The following SLC12A3 variants were observed in gnomAD, a reference collection of about 807,000 sequenced individuals.
The protein encoded by SLC12A3 is solute carrier family 12 member 3, also known as Na-Cl cotransporter.
Under a neutral mutation model 121.0 loss-of-function variants are expected in SLC12A3, and 104 were observed. The observed-to-expected ratio is 0.86, with a 90% CI of 0.73 to 1.01. SLC12A3 has a LOEUF of 1.01. Among genes scored for constraint, SLC12A3 ranks in the 50% least tolerant of loss-of-function variants. The pLI, the probability that SLC12A3 is intolerant of heterozygous loss-of-function variation, is 0.00. For missense variants in SLC12A3, 1,328 were observed against 1,356.3 expected (o/e 0.98, Z 0.33); for synonymous variants, 536 against 533.4 (o/e 1.00, Z -0.07).
intron 12 of SLC12A3, among the ~76,000 whole-genome samples, chr16:56,881,448 G>A (rs193256229): frequency 6.6e-6 from 1 of 152,018 alleles, no homozygotes; most frequent in Non-Finnish European, 1.5e-5. Context: ...TTCATCTGGG[G>A]GGGGGTCTGA....
chr16:56,868,273 C>G lies in SLC12A3; in HGVS notation c.430-24C>G, dbSNP rs749394453. ...GGCCTTGGGGTGTCCACCCAGGTGGCCTCTGACCCCCCTGTCCTCCCAGAT... is the reference window on the plus strand; with the variant it reads ...GGCCTTGGGGTGTCCACCCAGGTGGGCTCTGACCCCCCTGTCCTCCCAGAT... On this transcript the variant is annotated intron_variant, in intron 2 of 25. Coordinates refer to ENST00000563236, the MANE Select transcript of SLC12A3 (RefSeq NM_001126108.2). 19 of 1,611,788 alleles carry G rather than the reference C, an allele frequency of 1.2e-5. No homozygotes were observed. In the Middle Eastern group the frequency reaches 4.9e-4, roughly 42 times the overall value.
At position 56,894,728 on chromosome 16, in the gene SLC12A3, T is replaced by C. The variant is rs116985475; in HGVS notation, c.2633+86T>C. On this transcript the variant is annotated intron_variant, in intron 22 of 25. Coordinates refer to ENST00000563236, the MANE Select transcript of SLC12A3 (RefSeq NM_001126108.2). ...CAAGGCTGTCCCCTACCCTAGATCCTCTACCACCACCCCCAGGTGGGCACT... is the reference window on the plus strand; with the variant it reads ...CAAGGCTGTCCCCTACCCTAGATCCCCTACCACCACCCCCAGGTGGGCACT... The C allele has an allele frequency of 1.6e-4, 156 of 988,176 alleles. No individual in the cohort carries two copies. The East Asian group carries it at 3.2e-3, about 20-fold the overall frequency. 61.2% of individuals were successfully genotyped at this position (988,176 alleles called of 1,614,324 possible).
intron 25 of SLC12A3, among the ~76,000 whole-genome samples, chr16:56,908,402 C>G (rs1481084876): frequency 6.6e-6 from 1 of 152,006 alleles, no homozygotes. Flanking sequence ...ACCTCAGCCT[C>G]CCAAAGTGCT....
At position 56,871,642 on chromosome 16, in the gene SLC12A3, TC is replaced by T. The variant is rs573635495; in HGVS notation, c.853-708del. On this transcript the variant is annotated intron_variant, in intron 6 of 25. Transcript: ENST00000563236. Reference sequence around the variant, plus strand: ...CTTAAGGTGTCTGCTAAACACCTTCTCTCTGGTGACACCTTCCCAGGTCATC... The same window carrying T: ...CTTAAGGTGTCTGCTAAACACCTTCTTCTGGTGACACCTTCCCAGGTCATC... Among the ~76,000 whole-genome samples, 762 of 152,338 alleles carry T rather than the reference TC, an allele frequency of 5.0e-3. 5 individuals are homozygous for T. Among genetic ancestry groups the T allele is most frequent in the South Asian group, 7.3e-3 (35 of 4,826 alleles).
Position 56,899,720 on chromosome 16 carries a change from T to C in SLC12A3, c.2720+104T>C, listed in dbSNP as rs1169422844. 1.3e-5 allele frequency: 11 copies of C among 843,954 alleles called. No homozygotes were observed. In the Admixed American group the frequency reaches 1.4e-4, roughly 11 times the overall value. 52.3% of individuals were successfully genotyped at this position (843,954 alleles called of 1,614,324 possible). ...CCTTGGTAGACTAGGAGCAAGGGTC[T>C]CTCCTCCAAGCCCTTCCTAGATGTG... On this transcript the variant is annotated intron_variant, in intron 23 of 25. Transcript: ENST00000563236.
chr16:56,870,676 C>A lies in SLC12A3; in HGVS notation c.792C>A (p.Ala264=). ...VDPINDIRII[A]VVSVTVLLAI... Reference sequence around the variant, plus strand: ...CCATTAACGACATCCGCATCATTGCCGTGGTCTCGGTCACTGTGCTGCTGG... The same window carrying A: ...CCATTAACGACATCCGCATCATTGCAGTGGTCTCGGTCACTGTGCTGCTGG... Residue 264 remains alanine, a synonymous_variant, in exon 6 of 26, where the codon GCC becomes GCA. Transcript: ENST00000563236. 4.3e-6 allele frequency: 7 copies of A among 1,613,816 alleles called. No individual in the cohort carries two copies. Among genetic ancestry groups the A allele is most frequent in the Non-Finnish European group, 5.9e-6 (7 of 1,179,752 alleles).
intron 19 of SLC12A3, among the ~76,000 whole-genome samples, chr16:56,891,509 A>G (rs144292208): frequency 6.6e-6 from 1 of 152,168 alleles, no homozygotes; most frequent in African/African-American, 2.4e-5. Flanking sequence ...GGGTCCGTTC[A>G]TTTGTGCCAT....
Position 56,870,288 on chromosome 16 carries a change from C to T in SLC12A3, c.741+53C>T. ...AGAGGGATCCGGGCAGCCCATTGCACTCTCCTCCGCCCCATCTGGGCTGGG... is the reference window on the plus strand; with the variant it reads ...AGAGGGATCCGGGCAGCCCATTGCATTCTCCTCCGCCCCATCTGGGCTGGG... On this transcript the variant is annotated intron_variant, in intron 5 of 25. Coordinates refer to ENST00000563236, the MANE Select transcript of SLC12A3 (RefSeq NM_001126108.2). The T allele has an allele frequency of 3.2e-6, 5 of 1,581,196 alleles. No homozygotes were observed. The South Asian group carries it at 5.6e-5, about 18-fold the overall frequency.
At chr16:56,866,815 C>T (rs546229833) in intron 1 of SLC12A3, among the ~76,000 whole-genome samples, 1 of 152,292 alleles carries the variant, frequency 6.6e-6, no homozygotes, top group South Asian at 2.1e-4. Flanking sequence ...ACCTTGTTGC[C>T]CAGGCTGGTC....
chr16:56,887,798 A>ATATATATATATATATTTTTT (rs1433682477), intron 17 of SLC12A3, 127 bp from the exon 18 acceptor site: 2 of 68,456 alleles, frequency 2.9e-5, no homozygotes, highest in African/African-American at 1.1e-4. Flanking sequence ...ATATATATAT[A>ATATATATATATATATTTTTT]TTTTTTTTTT....
In SLC12A3 at chr16:56,894,559, T is replaced by C. The variant is rs370747623; in HGVS notation, c.2550T>C (p.Leu850=). 32 of 1,613,834 alleles carry C rather than the reference T, an allele frequency of 2.0e-5. No individual in the cohort carries two copies. In the Middle Eastern group the frequency reaches 4.9e-4, roughly 25 times the overall value. ...TCACCCTCCTCATTCCCTATCTCCT[T>C]GGCCGCAAGAGGAGGTGGAGCAAAT... The part of the protein sequence containing the change: ...GGLTLLIPYL[L]GRKRRWSKCK... Residue 850 remains leucine, a synonymous_variant, in exon 22 of 26, where the codon CTT becomes CTC. Transcript: ENST00000563236.
intron 25 of SLC12A3, among the ~76,000 whole-genome samples, chr16:56,908,109 CT>C (rs200340853): frequency 0.033 from 4,272 of 129,110 alleles, 83 homozygotes; most frequent in East Asian, 0.091. Context: ...CCAGTGTGTG[CT>C]TTTTTTTTTT....
In SLC12A3 at chr16:56,884,209, G is replaced by C. The variant is rs368509876; in HGVS notation, c.1825+5G>C. ...ATGTCATCTACAAGAAGCCAGGTGC[G>C]CATCTCAGCTGCGGGGCCTCGGCCC... is the stretch of plus-strand genomic sequence containing the variant. On this transcript the variant is annotated splice_donor_5th_base_variant and intron_variant, in intron 14 of 25. Transcript: ENST00000563236. 3.1e-6 allele frequency: 5 copies of C among 1,613,752 alleles called. No individual in the cohort carries two copies. Among genetic ancestry groups the C allele is most frequent in the African/African-American group, 2.7e-5 (2 of 74,910 alleles).
chr16:56,913,390 C>G lies in SLC12A3; in HGVS notation c.3051C>G (p.Thr1017=), dbSNP rs1258218034. ...LIRGNQENVL[T]FYCQ is the part of the protein sequence containing the mutation. ...GAGGAAACCAGGAAAACGTGCTCAC[C>G]TTTTACTGCCAGTAACTCCAGGCTT... The change falls in exon 26 of 26, where the codon ACC becomes ACG. Residue 1017 remains threonine (T), a synonymous_variant. Transcript: ENST00000563236. The G allele has an allele frequency of 1.2e-6, 2 of 1,614,192 alleles. No homozygotes were observed. Among genetic ancestry groups the G allele is most frequent in the South Asian group, 2.2e-5 (2 of 91,086 alleles).
At chr16:56,904,231 C>T (rs1370423988) in intron 24 of SLC12A3, 164 bp from the exon 25 acceptor site, 1 of 695,356 alleles carries the variant, frequency 1.4e-6, no homozygotes, top group East Asian at 2.8e-5. Context: ...TCTGAGGGTC[C>T]CCTTCTTCCT....
intron 25 of SLC12A3, among the ~76,000 whole-genome samples, chr16:56,908,521 G>T (rs749325686): frequency 2.0e-5 from 3 of 151,952 alleles, no homozygotes; most frequent in Non-Finnish European, 4.4e-5. Context: ...GTGACTTAAG[G>T]CATTAGAAAA....
chr16:56,878,843 C>A (rs1241245699), intron 9 of SLC12A3, among the ~76,000 whole-genome samples: 1 of 152,182 alleles, frequency 6.6e-6, no homozygotes, highest in Non-Finnish European at 1.5e-5. Context: ...GCTCTCTGCG[C>A]CTCTGTAAAA....
chr16:56,888,094 G>C, intron 18 of SLC12A3, 63 bp downstream of exon 18: 1 of 1,274,672 alleles, frequency 7.8e-7, no homozygotes, highest in Non-Finnish European at 1.1e-6. Flanking sequence ...GCCTTGAGAA[G>C]TGGAAAAGAA....
intron 12 of SLC12A3, among the ~76,000 whole-genome samples, chr16:56,881,496 C>T (rs1484757484): frequency 3.3e-5 from 5 of 152,086 alleles, no homozygotes; most frequent in African/African-American, 7.2e-5. Flanking sequence ...TCAGATGCTC[C>T]GGGCAGGGTT....
Sources: gnomAD v4.1 joint callset for allele counts (sites outside exome capture counted in the v4.1 genomes callset) on GRCh38, gnomAD v4.1.1 for gene constraint, MANE v1.5 for transcripts, NCBI Gene and HGNC (gene_info 2026-07-23, HGNC 2026-07-21) for gene names.